Variants in SORCS1 observed in about 807,000 individuals in gnomAD.
SORCS1 encodes the protein sortilin related VPS10 domain containing receptor 1, also known as VPS10 domain-containing receptor SorCS1.
A neutral mutation model predicts 146.1 loss-of-function variants in SORCS1; 60 were observed. The observed-to-expected ratio is 0.41, with a 90% CI of 0.33 to 0.51. The LOEUF (loss-of-function observed/expected upper bound fraction) is 0.51. Ranked by LOEUF, SORCS1 falls within the 20% of genes least tolerant of loss-of-function variation. The pLI is 0.21. For synonymous variants in SORCS1, 637 were observed against 584.0 expected (o/e 1.09, Z -1.31); for missense variants, 1,352 against 1,487.6 (o/e 0.91, Z 1.50).
chr10:106,963,220 A>G (rs1589803593), intron 1 of SORCS1, among the ~76,000 whole-genome samples: 1 of 140,810 alleles, frequency 7.1e-6, no homozygotes, highest in African/African-American at 2.6e-5. Context: ...GGTTCACGCC[A>G]TTCTCCTGCC....
chr10:106,648,811 G>A (rs953673047), intron 18 of SORCS1, among the ~76,000 whole-genome samples: 1 of 151,946 alleles, frequency 6.6e-6, no homozygotes, highest in Non-Finnish European at 1.5e-5. Context: ...TCCTGCCTTT[G>A]CACCCAAATG....
chr10:107,180,573 C>A, the SORCS1 span, among the ~76,000 whole-genome samples: 2 of 151,994 alleles, frequency 1.3e-5, no homozygotes, highest in Admixed American at 6.6e-5. Context: ...TTTCAAAGAA[C>A]CAGCTCTTTG....
Position 106,968,345 on chromosome 10 carries a change from T to C in SORCS1, c.559-11765A>G, listed in dbSNP as rs147059740. 1.2e-3 allele frequency among the ~76,000 whole-genome samples: 188 copies of C among 152,368 alleles called. 1 individual carries two copies. The highest frequency in any genetic ancestry group is 4.3e-3 in the African/African-American group (179 of 41,592). ...GATGTGATGATCTGAGAAAGACAGA[T>C]TTCCATGCTCTCAAATCAGTATCTG... On this transcript the variant is annotated intron_variant, in intron 1 of 25. Transcript: ENST00000263054.
chr10:106,890,250 G>T (rs1011169199), intron 2 of SORCS1, among the ~76,000 whole-genome samples: 3 of 151,994 alleles, frequency 2.0e-5, no homozygotes, highest in African/African-American at 7.3e-5. Flanking sequence ...GACATTTCAG[G>T]TTGTCTTTCT....
chr10:106,962,394 C>CAAAAAAAAAAAAAAAAAAAAAAAAAAAA (rs60616146), intron 1 of SORCS1, among the ~76,000 whole-genome samples: 6 of 62,578 alleles, frequency 9.6e-5, no homozygotes, highest in Admixed American at 2.4e-4. Flanking sequence ...AACTCCATCT[C>CAAAAAAAAAAAAAAAAAAAAAAAAAAAA]AAAAAAAAAA....
At chr10:106,814,813 G>A (rs1214068885) in intron 3 of SORCS1, among the ~76,000 whole-genome samples, 1 of 149,072 alleles carries the variant, frequency 6.7e-6, no homozygotes, top group Non-Finnish European at 1.5e-5. Context: ...TACTTGGAAG[G>A]CTGAGGCAGG....
chr10:106,715,655 G>A (rs930404047), intron 6 of SORCS1, among the ~76,000 whole-genome samples: 1 of 152,212 alleles, frequency 6.6e-6, no homozygotes, highest in African/African-American at 2.4e-5. Context: ...GATAGCTGTA[G>A]TTGGTATTTA....
At chr10:106,869,411 T>A (rs1027448619) in intron 2 of SORCS1, among the ~76,000 whole-genome samples, 7 of 152,128 alleles carry the variant, frequency 4.6e-5, no homozygotes, top group Non-Finnish European at 8.8e-5. Flanking sequence ...TTTAGGCCAA[T>A]ATCTTCGATG....
chr10:107,162,629 T>C (rs1252156474), intron 1 of SORCS1, among the ~76,000 whole-genome samples: 1 of 152,200 alleles, frequency 6.6e-6, no homozygotes, highest in Non-Finnish European at 1.5e-5. Flanking sequence ...TGCTAAATAT[T>C]ATCTATCATG....
chr10:106,785,177 G>T lies in SORCS1; in HGVS notation c.727-8485C>A, dbSNP rs141336067. Among the ~76,000 whole-genome samples, 45 of 152,270 alleles carry T rather than the reference G, an allele frequency of 3.0e-4. 1 individual carries two copies. The highest frequency in any genetic ancestry group is 1.1e-3 in the African/African-American group (45 of 41,548). On this transcript the variant is annotated intron_variant, in intron 3 of 25. Coordinates refer to ENST00000263054, the MANE Select transcript of SORCS1 (RefSeq NM_052918.5). Reference sequence around the variant, plus strand: ...AGCTCTCCTTATCTGTCTGAAGACTGATCTAAAATAACTCAATTGTCATAA... The same window carrying T: ...AGCTCTCCTTATCTGTCTGAAGACTTATCTAAAATAACTCAATTGTCATAA...
At chr10:106,967,344 C>CTT (rs5787699) in intron 1 of SORCS1, among the ~76,000 whole-genome samples, 43 of 150,996 alleles carry the variant, frequency 2.8e-4, no homozygotes, top group Non-Finnish European at 4.3e-4. Flanking sequence ...ATGATTTTGA[C>CTT]TTTTTTTTTA....
chr10:106,829,913 T>C (rs889273367), intron 2 of SORCS1, among the ~76,000 whole-genome samples: 2 of 152,200 alleles, frequency 1.3e-5, no homozygotes, highest in African/African-American at 4.8e-5. Flanking sequence ...TGTACGCACA[T>C]TGCATAAAGA....
chr10:107,034,325 G>A (rs1156321832), intron 1 of SORCS1, among the ~76,000 whole-genome samples: 1 of 152,084 alleles, frequency 6.6e-6, no homozygotes, highest in Non-Finnish European at 1.5e-5. Context: ...CATCAGGGAA[G>A]TGTGCGTGAG....
At chr10:107,049,276 G>C (rs1564971939) in intron 1 of SORCS1, among the ~76,000 whole-genome samples, 1 of 108,610 alleles carries the variant, frequency 9.2e-6, no homozygotes, top group Middle Eastern at 6.1e-3. Context: ...TTGTGGGGTG[G>C]GGGGAGGGGG....
intron 2 of SORCS1, among the ~76,000 whole-genome samples, chr10:106,953,706 G>T (rs1157512717): frequency 6.6e-6 from 1 of 152,128 alleles, no homozygotes; most frequent in Non-Finnish European, 1.5e-5. Flanking sequence ...AATCCATACA[G>T]CATGTTACTG....
intron 2 of SORCS1, among the ~76,000 whole-genome samples, chr10:106,859,039 C>T (rs568683229): frequency 2.0e-5 from 3 of 152,342 alleles, no homozygotes; most frequent in South Asian, 2.1e-4. Context: ...CTCACAGATG[C>T]GGCCTCTCTC....
intron 1 of SORCS1, among the ~76,000 whole-genome samples, chr10:107,119,993 C>T (rs918696514): frequency 6.6e-6 from 1 of 151,988 alleles, no homozygotes; most frequent in African/African-American, 2.4e-5. Context: ...TTTCTTCCAG[C>T]TAATTCCTAT....
chr10:106,617,812 C>T (rs1174550985), intron 21 of SORCS1, among the ~76,000 whole-genome samples: 1 of 152,130 alleles, frequency 6.6e-6, no homozygotes, highest in Non-Finnish European at 1.5e-5. Context: ...AGAGATTCAA[C>T]ATTAGCTATT....
intron 1 of SORCS1, among the ~76,000 whole-genome samples, chr10:106,990,691 G>C (rs1956730041): frequency 6.6e-6 from 1 of 152,186 alleles, no homozygotes; most frequent in African/African-American, 2.4e-5. Flanking sequence ...AAGGAGATCG[G>C]AGAAAATGTA....
Sources: gnomAD v4.1 joint callset for allele counts (sites outside exome capture counted in the v4.1 genomes callset) on GRCh38, gnomAD v4.1.1 for gene constraint, MANE v1.5 for transcripts, NCBI Gene and HGNC (gene_info 2026-07-23, HGNC 2026-07-21) for gene names.